The following NUP153 variants were observed in gnomAD, a reference collection of about 807,000 sequenced individuals.
NUP153 encodes the protein nuclear pore complex protein Nup153.
In NUP153, 27 loss-of-function variants were observed where a neutral mutation model predicts 134.6. The observed-to-expected ratio is 0.20, with a 90% CI of 0.15 to 0.28. The LOEUF (loss-of-function observed/expected upper bound fraction) is 0.28, where lower values mean the gene tolerates loss of function less well. Ranked by LOEUF, NUP153 falls within the 10% of genes least tolerant of loss-of-function variation. NUP153 has a pLI of 1.00. For synonymous variants in NUP153, 640 were observed against 623.5 expected, an observed-to-expected ratio of 1.03 and a Z score of -0.40; for missense variants, 1,821 against 1,731.3, an observed-to-expected ratio of 1.05 and a Z score of -0.92.
chr6:17,670,154 T>G (rs1454092286), intron 5 of NUP153, among the ~76,000 whole-genome samples: 1 of 147,886 alleles, frequency 6.8e-6, no homozygotes, highest in Admixed American at 6.8e-5. Flanking sequence ...TAGAAAAAGC[T>G]CTCTACATAC....
chr6:17,622,740 T>C (rs971311639), intron 20 of NUP153, among the ~76,000 whole-genome samples: 12 of 152,192 alleles, frequency 7.9e-5, no homozygotes, highest in Non-Finnish European at 1.6e-4. Context: ...GAAACAAATT[T>C]TGTATAGGAT....
In NUP153 at chr6:17,641,787, G is replaced by A. The variant is rs149980354; in HGVS notation, c.1721-1723C>T. On this transcript the variant is annotated intron_variant, in intron 14 of 21. Coordinates refer to ENST00000262077, the MANE Select transcript of NUP153 (RefSeq NM_005124.4). ...AAATGGAGTGAACCTGAGAGGTGGA[G>A]CTTGCAGTGAAACGAGCTTGCACAA... is the stretch of plus-strand genomic sequence containing the variant. Among the ~76,000 whole-genome samples the A allele has an allele frequency of 9.1e-4, 138 of 152,078 alleles. 2 individuals are homozygous for A. In the East Asian group the frequency reaches 0.024, roughly 26 times the overall value.
intron 14 of NUP153, among the ~76,000 whole-genome samples, chr6:17,643,765 G>A (rs577780770): frequency 6.6e-6 from 1 of 152,126 alleles, no homozygotes; most frequent in South Asian, 2.1e-4. Flanking sequence ...ACTCTAAATA[G>A]GCCACTCATA....
chr6:17,618,259 T>C (rs1174041587), intron 20 of NUP153, among the ~76,000 whole-genome samples: 2 of 152,184 alleles, frequency 1.3e-5, no homozygotes, highest in African/African-American at 2.4e-5. Context: ...GTAGAAAGGA[T>C]TTAAGTGGTA....
At chr6:17,701,541 A>G (rs1307589829) in intron 1 of NUP153, among the ~76,000 whole-genome samples, 2 of 151,522 alleles carry the variant, frequency 1.3e-5, no homozygotes, top group Non-Finnish European at 2.9e-5. Context: ...ACGTGCCTGT[A>G]GTCCCAGCTA....
intron 20 of NUP153, among the ~76,000 whole-genome samples, chr6:17,622,199 T>C (rs915174796): frequency 2.6e-5 from 4 of 152,134 alleles, no homozygotes; most frequent in African/African-American, 7.2e-5. Context: ...CCTGTAATCC[T>C]AGCACTTTAG....
chr6:17,663,126 A>G (rs1215868466), intron 9 of NUP153, among the ~76,000 whole-genome samples: 1 of 152,122 alleles, frequency 6.6e-6, no homozygotes, highest in African/African-American at 2.4e-5. Flanking sequence ...CTCCTTGTTA[A>G]TAAGAACACA....
At chr6:17,645,244 A>G (rs1194188915) in intron 14 of NUP153, among the ~76,000 whole-genome samples, 7 of 134,978 alleles carry the variant, frequency 5.2e-5, no homozygotes. Context: ...CTCTGTCTCA[A>G]AAAAAAAAAA....
In NUP153 at chr6:17,616,282, T is replaced by TC. The variant is rs1554134970; in HGVS notation, c.4344-102_4344-101insG. 81 of 334,186 alleles carry TC rather than the reference T, an allele frequency of 2.4e-4. 1 individual carries two copies. The East Asian group carries it at 4.2e-3, about 17-fold the overall frequency. The allele number at this position is 334,186 out of a possible 1,614,324, so 20.7% of individuals were successfully genotyped here. ...CAGCACAAGGGTAAGGGGGGTCGGG[T>TC]GGGGGGGGAGTAGACTCACATTGGT... On this transcript the variant is annotated intron_variant, in intron 21 of 21. Coordinates refer to ENST00000262077, the MANE Select transcript of NUP153 (RefSeq NM_005124.4).
Position 17,706,618 on chromosome 6 carries a change from T to C in NUP153, c.-231A>G. ...TGGCGGCCGCAGAGGCCGAGGAGGC[T>C]CCGGTCCGGCCGCCTCTGCGGACCC... On this transcript the variant is annotated 5_prime_UTR_variant, in exon 1 of 22. Coordinates refer to ENST00000262077, the MANE Select transcript of NUP153 (RefSeq NM_005124.4). The surrounding 1 kb of genome is among the most constrained non-coding windows in gnomAD (Gnocchi z 5.9). The C allele has an allele frequency of 1.8e-6, 1 of 567,804 alleles. No individual in the cohort carries two copies. Among genetic ancestry groups the C allele is most frequent in the Non-Finnish European group, 3.1e-6 (1 of 322,076 alleles). The allele number at this position is 567,804 out of a possible 1,614,324, so 35.2% of individuals were successfully genotyped here. A position where few individuals can be genotyped will look rare whatever the true frequency, so the allele number is the denominator to read the frequency against.
intron 17 of NUP153, among the ~76,000 whole-genome samples, chr6:17,630,670 A>G (rs1369747117): frequency 6.7e-6 from 1 of 150,162 alleles, no homozygotes; most frequent in African/African-American, 2.5e-5. Context: ...CAAAATAAAT[A>G]AAGAAAAGAA....
At chr6:17,698,737 CAAAA>C (rs57961707) in intron 1 of NUP153, among the ~76,000 whole-genome samples, 3 of 80,070 alleles carry the variant, frequency 3.7e-5, no homozygotes, top group Admixed American at 1.5e-4. Context: ...GACTCTGTCT[CAAAA>C]AAAAAAAAAA....
chr6:17,686,744 T>C (rs1056491458), intron 2 of NUP153, among the ~76,000 whole-genome samples: 1 of 151,568 alleles, frequency 6.6e-6, no homozygotes, highest in African/African-American at 2.4e-5. Flanking sequence ...GAAGTAGATA[T>C]CAAAATGCTG....
chr6:17,696,882 G>A (rs1232951166), intron 1 of NUP153, among the ~76,000 whole-genome samples: 1 of 152,066 alleles, frequency 6.6e-6, no homozygotes, highest in Admixed American at 6.6e-5. Flanking sequence ...AGACCAGCCT[G>A]ACCAACATGG....
At chr6:17,696,850 A>T (rs929565466) in intron 1 of NUP153, among the ~76,000 whole-genome samples, 1 of 152,096 alleles carries the variant, frequency 6.6e-6, no homozygotes, top group Non-Finnish European at 1.5e-5. Flanking sequence ...AGGTGGGCAG[A>T]TCACTTGAGG....
intron 10 of NUP153, 87 bp from the exon 11 acceptor site, chr6:17,661,866 A>AT: frequency 7.5e-7 from 1 of 1,326,492 alleles, no homozygotes; most frequent in Non-Finnish European, 1.0e-6. Flanking sequence ...GTAAAAAAAA[A>AT]ATATACAGCT....
At chr6:17,618,384 C>A (rs1205737274) in intron 20 of NUP153, among the ~76,000 whole-genome samples, 1 of 151,902 alleles carries the variant, frequency 6.6e-6, no homozygotes, top group Non-Finnish European at 1.5e-5. Flanking sequence ...TTTGGGAAAA[C>A]TGACTCAGCA....
chr6:17,686,370 T>C (rs1004839799), intron 2 of NUP153, among the ~76,000 whole-genome samples: 1 of 151,944 alleles, frequency 6.6e-6, no homozygotes, highest in Non-Finnish European at 1.5e-5. Context: ...AATGTGCGCA[T>C]GTCTTAATTG....
intron 1 of NUP153, among the ~76,000 whole-genome samples, chr6:17,692,761 G>A (rs1769362820): frequency 6.6e-6 from 1 of 152,140 alleles, no homozygotes; most frequent in Non-Finnish European, 1.5e-5. Flanking sequence ...CCAGCCCTTA[G>A]TAGGATAATC....
Sources: gnomAD v4.1 joint callset for allele counts (sites outside exome capture counted in the v4.1 genomes callset) on GRCh38, gnomAD v4.1.1 for gene constraint, Gnocchi (gnomAD v3.1) non-coding constraint, MANE v1.5 for transcripts, NCBI Gene and HGNC (gene_info 2026-07-23, HGNC 2026-07-21) for gene names.